SNTB1: variants seen among roughly 807,000 people sequenced by gnomAD.
SNTB1 encodes the protein beta-1-syntrophin.
A neutral mutation model predicts 48.9 loss-of-function variants in SNTB1; 36 were observed. The observed-to-expected ratio is 0.74, with a 90% CI of 0.56 to 0.97. The LOEUF (loss-of-function observed/expected upper bound fraction) is 0.97, where lower values mean the gene tolerates loss of function less well. SNTB1 is among the 50% of genes least tolerant of loss of function. The pLI is 0.00. For synonymous variants in SNTB1, 299 were observed against 294.6 expected, an observed-to-expected ratio of 1.01 and a Z score of -0.15; for missense variants, 786 against 703.4, an observed-to-expected ratio of 1.12 and a Z score of -1.33.
At chr8:120,663,526 C>T (rs1284211256) in intron 2 of SNTB1, among the ~76,000 whole-genome samples, 2 of 152,190 alleles carry the variant, frequency 1.3e-5, no homozygotes, top group African/African-American at 2.4e-5. Context: ...AGGCTGGTCT[C>T]GAACTCCTGA....
intron 4 of SNTB1, among the ~76,000 whole-genome samples, chr8:120,558,160 G>T (rs1298262780): frequency 6.6e-6 from 1 of 152,108 alleles, no homozygotes; most frequent in Non-Finnish European, 1.5e-5. Flanking sequence ...GTCTTGATCT[G>T]CAGTCTCAGG....
intron 1 of SNTB1, among the ~76,000 whole-genome samples, chr8:120,697,708 T>C (rs185065765): frequency 1.2e-4 from 18 of 152,332 alleles, no homozygotes; most frequent in Admixed American, 1.0e-3. Context: ...CAACGTACCA[T>C]GTGCAAGAAC....
At chr8:120,696,450 C>G (rs1208314934) in intron 1 of SNTB1, among the ~76,000 whole-genome samples, 1 of 152,198 alleles carries the variant, frequency 6.6e-6, no homozygotes, top group Non-Finnish European at 1.5e-5. Context: ...TTACAATATA[C>G]TTAATGATGT....
chr8:120,682,579 G>A (rs892340040), intron 2 of SNTB1, among the ~76,000 whole-genome samples: 9 of 152,192 alleles, frequency 5.9e-5, no homozygotes, highest in African/African-American at 2.2e-4. Context: ...CAAATGCAGA[G>A]TGCCCACACT....
intron 3 of SNTB1, among the ~76,000 whole-genome samples, chr8:120,583,281 G>GA (rs1030486590): frequency 1.3e-5 from 2 of 151,986 alleles, no homozygotes; most frequent in Non-Finnish European, 2.9e-5. Context: ...AGGTCGGGGG[G>GA]ATCACCTGAG....
intron 3 of SNTB1, among the ~76,000 whole-genome samples, chr8:120,604,851 G>T (rs921792715): frequency 6.6e-6 from 1 of 152,178 alleles, no homozygotes; most frequent in Non-Finnish European, 1.5e-5. Flanking sequence ...CTGGTAAAAA[G>T]ATATAAACCA....
At chr8:120,736,701 T>C (rs1335336473) in intron 1 of SNTB1, among the ~76,000 whole-genome samples, 1 of 152,182 alleles carries the variant, frequency 6.6e-6, no homozygotes, top group East Asian at 1.9e-4. Flanking sequence ...TCTATTAATA[T>C]GCAAAGGCTG....
intron 3 of SNTB1, among the ~76,000 whole-genome samples, chr8:120,624,407 G>T (rs1816842360): frequency 6.6e-6 from 1 of 152,170 alleles, no homozygotes; most frequent in Non-Finnish European, 1.5e-5. Flanking sequence ...AGGTGGTCAA[G>T]CATCCTTTTT....
At chr8:120,539,352 G>C (rs906385883) in intron 6 of SNTB1, among the ~76,000 whole-genome samples, 2 of 152,200 alleles carry the variant, frequency 1.3e-5, no homozygotes, top group Non-Finnish European at 2.9e-5. Context: ...TCCTGGTTCT[G>C]ACGCTTTTTA....
At chr8:120,804,838 T>C (rs1473872113) in intron 1 of SNTB1, among the ~76,000 whole-genome samples, 1 of 152,218 alleles carries the variant, frequency 6.6e-6, no homozygotes, top group African/African-American at 2.4e-5. Flanking sequence ...GCCCAGACTC[T>C]TTCTTAGGCT....
chr8:120,566,054 C>T (rs10105820), intron 4 of SNTB1, among the ~76,000 whole-genome samples: 3,373 of 152,162 alleles, frequency 0.022, 118 homozygotes, highest in African/African-American at 0.078. Context: ...CAAAAATTAG[C>T]CAGATGTGGT....
At chr8:120,735,132 A>C (rs1160215100) in intron 1 of SNTB1, among the ~76,000 whole-genome samples, 1 of 152,210 alleles carries the variant, frequency 6.6e-6, no homozygotes, top group Non-Finnish European at 1.5e-5. Context: ...TCAGCAGATG[A>C]GGCTATGGGC....
chr8:120,736,956 ACTTT>A (rs1818955613), intron 1 of SNTB1, among the ~76,000 whole-genome samples: 1 of 151,846 alleles, frequency 6.6e-6, no homozygotes, highest in South Asian at 2.1e-4. Context: ...TCTGTGTCTC[ACTTT>A]CTTCCTCAAA....
chr8:120,538,809 G>T lies in SNTB1; in HGVS notation c.*68C>A. 1 of 1,250,756 alleles carries T rather than the reference G, an allele frequency of 8.0e-7. No homozygotes were observed. The highest frequency in any genetic ancestry group is 1.2e-6 in the Non-Finnish European group (1 of 849,300). The allele number at this position is 1,250,756 out of a possible 1,614,324, so 77.5% of individuals were successfully genotyped here. A position where few individuals can be genotyped will look rare whatever the true frequency, so the allele number is the denominator to read the frequency against. On this transcript the variant is annotated 3_prime_UTR_variant, in exon 7 of 7. Coordinates refer to ENST00000517992, the MANE Select transcript of SNTB1 (RefSeq NM_021021.4). Reference sequence around the variant, plus strand: ...TCTGGTGCGCTGCTCACTACAGATGGTGTCTGACATCACGTTCTCTGGTGG... The same window carrying T: ...TCTGGTGCGCTGCTCACTACAGATGTTGTCTGACATCACGTTCTCTGGTGG...
At chr8:120,708,017 T>C (rs900019252) in intron 1 of SNTB1, among the ~76,000 whole-genome samples, 1 of 151,958 alleles carries the variant, frequency 6.6e-6, no homozygotes, top group African/African-American at 2.4e-5. Context: ...TAAAAAAACA[T>C]ACAAACTGTC....
chr8:120,564,428 G>A (rs1253557315), intron 4 of SNTB1, among the ~76,000 whole-genome samples: 1 of 150,784 alleles, frequency 6.6e-6, no homozygotes, highest in East Asian at 1.9e-4. Flanking sequence ...CTTAATCTGG[G>A]GCTTCCAGCC....
intron 1 of SNTB1, 79 bp downstream of exon 1, chr8:120,811,194 T>C (rs1820422110): frequency 1.3e-6 from 2 of 1,504,424 alleles, no homozygotes; most frequent in Non-Finnish European, 1.8e-6. Context: ...GCCGAGTGAG[T>C]GTGAGTGTGA....
At chr8:120,696,341 C>G (rs1320201443) in intron 1 of SNTB1, among the ~76,000 whole-genome samples, 1 of 152,152 alleles carries the variant, frequency 6.6e-6, no homozygotes, top group Non-Finnish European at 1.5e-5. Flanking sequence ...AACAATAATC[C>G]TTCCTTTACG....
intron 1 of SNTB1, among the ~76,000 whole-genome samples, chr8:120,797,393 C>G (rs573475994): frequency 1.3e-5 from 2 of 152,036 alleles, no homozygotes; most frequent in African/African-American, 4.8e-5. Context: ...CGGGACAGCA[C>G]ATATGACTTT....
Sources: allele counts gnomAD v4.1 joint callset (sites outside exome capture counted in the v4.1 genomes callset), GRCh38; gene constraint gnomAD v4.1.1; transcripts MANE v1.5; gene names NCBI Gene and HGNC (gene_info 2026-07-23, HGNC 2026-07-21).